Variants in RGL3 observed in about 807,000 individuals in gnomAD.
RGL3 encodes the protein ral guanine nucleotide dissociation stimulator-like 3.
A neutral mutation model predicts 90.6 loss-of-function variants in RGL3; 85 were observed. That is an observed-to-expected ratio of 0.94 (90% CI 0.79 to 1.12). The LOEUF (loss-of-function observed/expected upper bound fraction) is 1.12. Ranked by LOEUF, RGL3 falls within the 50% of genes most tolerant of loss-of-function variation. The probability of loss-of-function intolerance (pLI) is 0.00; values close to 1 mark genes in which losing one functional copy is unlikely to be tolerated. For missense variants in RGL3, 1,034 were observed against 939.2 expected, an observed-to-expected ratio of 1.10 and a Z score of -1.32; for synonymous variants, 408 against 385.5, an observed-to-expected ratio of 1.06 and a Z score of -0.68.
Position 11,405,234 on chromosome 19 carries a change from G to T in RGL3, c.1101-3C>A. ...TCCTGAAAGTAGATAGCGGTTCCCT[G>T]GAAGGACAGGAGAAGGGTGGTCAGG... On this transcript the variant is annotated splice_polypyrimidine_tract_variant and splice_region_variant and intron_variant, in intron 8 of 18. Coordinates refer to ENST00000380456, the MANE Select transcript of RGL3 (RefSeq NM_001035223.4). 1 of 1,614,048 alleles carries T rather than the reference G, an allele frequency of 6.2e-7. No homozygotes were observed. The highest frequency in any genetic ancestry group is 8.5e-7 in the Non-Finnish European group (1 of 1,179,942).
intron 13 of RGL3, among the ~76,000 whole-genome samples, chr19:11,401,154 C>T (rs1968668600): frequency 6.6e-6 from 1 of 151,264 alleles, no homozygotes; most frequent in Non-Finnish European, 1.5e-5. Flanking sequence ...AGTTGAATGG[C>T]CAGCTGAATG....
chr19:11,400,777 C>T lies in RGL3; in HGVS notation c.1485-480G>A, dbSNP rs1157535727. Among the ~76,000 whole-genome samples, 5 of 151,690 alleles carry T rather than the reference C, an allele frequency of 3.3e-5. No homozygotes were observed. The Admixed American group carries it at 3.3e-4, about 10-fold the overall frequency. ...GGCTGAGGCAGTAGAATTGCTTGAA[C>T]CTGGGAGGCGGGGGCTACAGTGAGC... On this transcript the variant is annotated intron_variant, in intron 13 of 18. Coordinates refer to ENST00000380456, the MANE Select transcript of RGL3 (RefSeq NM_001035223.4).
chr19:11,416,453 C>T, intron 4 of RGL3, 161 bp downstream of exon 4: 1 of 762,752 alleles, frequency 1.3e-6, no homozygotes, highest in Non-Finnish European at 2.3e-6. Flanking sequence ...CCTGCCTCGG[C>T]CTCCCAAAGT....
rs201609417 is a variant in RGL3, at chr19:11,397,523, C to A, written c.1821G>T (p.Pro607=). The change falls in exon 17 of 19, where the codon CCG becomes CCT. Residue 607 remains proline (P), a synonymous_variant. Transcript: ENST00000380456. ...CACGGGCCTCCGAGCTCTGCTGCGCCGGGAGGGGGATTCGAGGGCTGCCCA... is the reference window on the plus strand; with the variant it reads ...CACGGGCCTCCGAGCTCTGCTGCGCAGGGAGGGGGATTCGAGGGCTGCCCA... ...LPLGSPRIPL[P]AQQSSEARVI... 6.2e-7 allele frequency: 1 copy of A among 1,613,204 alleles called. No individual in the cohort carries two copies. The highest frequency in any genetic ancestry group is 1.1e-5 in the South Asian group (1 of 91,022).
chr19:11,414,763 G>C (rs1009835159), intron 5 of RGL3, among the ~76,000 whole-genome samples: 6 of 151,488 alleles, frequency 4.0e-5, no homozygotes. Flanking sequence ...CCTGCCCCTG[G>C]GGACAGAGCT....
At chr19:11,415,131 A>C (rs1266175755) in intron 5 of RGL3, among the ~76,000 whole-genome samples, 3 of 151,808 alleles carry the variant, frequency 2.0e-5, no homozygotes, top group Non-Finnish European at 4.4e-5. Flanking sequence ...CTCTGTCTAA[A>C]AAAAAAAATA....
At chr19:11,415,711 G>A (rs894179349) in intron 5 of RGL3, among the ~76,000 whole-genome samples, 1 of 151,644 alleles carries the variant, frequency 6.6e-6, no homozygotes, top group Non-Finnish European at 1.5e-5. Flanking sequence ...CTGACCTCAG[G>A]TGATACACCA....
rs751368668 is a variant in RGL3 at position 11,402,687 on chromosome 19, G to A, written c.1205C>T (p.Ser402Phe). ...ILFQEEATEG[S>F]QEEDNTPGSL... ...GCCTGGGGTGTTGTCCTCTTCTTGG[G>A]ATCCCTCAGTGGCCTCCTCCTGAGG... The change falls in exon 10 of 19, where the codon TCC becomes TTC. Residue 402 changes from serine to phenylalanine, a missense_variant. Ser to Phe is a radical substitution (Grantham distance 155). Coordinates refer to ENST00000380456, the MANE Select transcript of RGL3 (RefSeq NM_001035223.4). The A allele has an allele frequency of 6.2e-7, 1 of 1,613,696 alleles. No homozygotes were observed. The highest frequency in any genetic ancestry group is 1.1e-5 in the South Asian group (1 of 91,074).
intron 18 of RGL3, among the ~76,000 whole-genome samples, chr19:11,395,369 G>C (rs1968546948): frequency 6.6e-6 from 1 of 152,134 alleles, no homozygotes; most frequent in Non-Finnish European, 1.5e-5. Context: ...ACTTCAGCGT[G>C]AATACGCTCA....
intron 9 of RGL3, among the ~76,000 whole-genome samples, chr19:11,403,413 T>C (rs1424696355): frequency 4.1e-5 from 6 of 147,958 alleles, no homozygotes; most frequent in African/African-American, 1.5e-4. Flanking sequence ...CCGAGGCTGG[T>C]GGATCACATG....
chr19:11,396,159 T>TATATA (rs1491194960), intron 18 of RGL3, among the ~76,000 whole-genome samples: 16 of 26,460 alleles, frequency 6.0e-4, no homozygotes, highest in African/African-American at 1.9e-3. Context: ...TATATATATA[T>TATATA]TTTTTTTTTT....
chr19:11,411,644 C>T (rs1332049180), intron 5 of RGL3, among the ~76,000 whole-genome samples: 1 of 152,146 alleles, frequency 6.6e-6, no homozygotes, highest in Non-Finnish European at 1.5e-5. Context: ...GTTTTTGAGG[C>T]AGGGTCTCGC....
chr19:11,419,220 G>C (rs558878316), intron 1 of RGL3, 26 bp downstream of exon 1: 2 of 1,585,872 alleles, frequency 1.3e-6, no homozygotes, highest in South Asian at 2.3e-5. Flanking sequence ...AGGGATGCGG[G>C]GTCCGGGGAT....
rs779626488 is a variant in RGL3 at position 11,406,745 on chromosome 19, C to T, written c.757G>A (p.Glu253Lys). The T allele has an allele frequency of 1.2e-6, 2 of 1,613,846 alleles. No homozygotes were observed. Among genetic ancestry groups the T allele is most frequent in the East Asian group, 4.5e-5 (2 of 44,890 alleles). ...ACCAAGTCTATGAGGGTCAGCTGCTCGGCCACCTCGTCCACGCTGAAGTCC... is the reference window on the plus strand; with the variant it reads ...ACCAAGTCTATGAGGGTCAGCTGCTTGGCCACCTCGTCCACGCTGAAGTCC... ...LLDFSVDEVA[E>K]QLTLIDLELF... The change falls in exon 6 of 19, where the codon GAG becomes AAG. Residue 253 changes from glutamate (E) to lysine (K), a missense_variant. Coordinates refer to ENST00000380456, the MANE Select transcript of RGL3 (RefSeq NM_001035223.4).
Position 11,405,374 on chromosome 19 carries a change from A to C in RGL3, c.1049T>G (p.Leu350Arg). Reference protein sequence around the residue: ...FSSLRAILSALQSNPIYRLKR... With the variant: ...FSSLRAILSARQSNPIYRLKR... ...GAGCCGGTAGATGGGGTTAGATTGC[A>C]GGGCGGACAGGATGGCGCGCAAGGA... The change falls in exon 8 of 19, where the codon CTG becomes CGG. Residue 350 changes from leucine to arginine, a missense_variant. Coordinates refer to ENST00000380456, the MANE Select transcript of RGL3 (RefSeq NM_001035223.4). 1.2e-6 allele frequency: 2 copies of C among 1,610,948 alleles called. No individual in the cohort carries two copies. The highest frequency in any genetic ancestry group is 2.2e-5 in the South Asian group (2 of 90,788).
At position 11,394,267 on chromosome 19, in the gene RGL3, T is replaced by A; in HGVS notation, c.*135A>T. 1 of 716,428 alleles carries A rather than the reference T, an allele frequency of 1.4e-6. No individual in the cohort carries two copies. Among genetic ancestry groups the A allele is most frequent in the Non-Finnish European group, 2.6e-6 (1 of 390,818 alleles). 44.4% of individuals were successfully genotyped at this position (716,428 alleles called of 1,614,324 possible). On this transcript the variant is annotated 3_prime_UTR_variant, in exon 19 of 19. Transcript: ENST00000380456. ...AACAGAGTCAGAAAAAGAGATGGGG[T>A]CCAATGGGCTACAGTTGGGTGGTGG...
intron 3 of RGL3, 37 bp downstream of exon 3, chr19:11,416,799 A>C (rs1969007434): frequency 2.5e-6 from 4 of 1,609,332 alleles, no homozygotes; most frequent in Non-Finnish European, 3.4e-6. Flanking sequence ...TTGGGGTTCT[A>C]GGGTGGAGAA....
intron 1 of RGL3, 43 bp from the exon 2 acceptor site, chr19:11,418,827 C>A (rs1346620437): frequency 6.8e-7 from 1 of 1,473,714 alleles, no homozygotes; most frequent in South Asian, 1.3e-5. Context: ...GGGCACAGGT[C>A]CTGGGGCCTC....
intron 5 of RGL3, among the ~76,000 whole-genome samples, chr19:11,412,120 A>G (rs1049191088): frequency 6.6e-6 from 1 of 151,958 alleles, no homozygotes; most frequent in Non-Finnish European, 1.5e-5. Flanking sequence ...CTCTCTACTA[A>G]AAATAGAAAA....
Sources: gnomAD v4.1 joint callset for allele counts (sites outside exome capture counted in the v4.1 genomes callset) on GRCh38, gnomAD v4.1.1 for gene constraint, MANE v1.5 for transcripts, NCBI Gene and HGNC (gene_info 2026-07-23, HGNC 2026-07-21) for gene names.